Variants in TTLL9 observed in about 807,000 individuals in gnomAD.
TTLL9 encodes the protein probable tubulin polyglutamylase TTLL9.
Under a neutral mutation model 65.6 loss-of-function variants are expected in TTLL9, and 47 were observed. The ratio of observed to expected loss-of-function variants is 0.72; its 90% CI spans 0.57 to 0.91. TTLL9 has a LOEUF of 0.91. TTLL9 is among the 40% of genes least tolerant of loss of function. The pLI is 0.00. For synonymous variants in TTLL9, 179 were observed against 204.8 expected, an observed-to-expected ratio of 0.87 and a Z score of 1.07; for missense variants, 537 against 568.8, an observed-to-expected ratio of 0.94 and a Z score of 0.57.
chr20:31,899,772 T>G (rs372045270), intron 4 of TTLL9, among the ~76,000 whole-genome samples: 14 of 148,702 alleles, frequency 9.4e-5, no homozygotes, highest in East Asian at 3.9e-4. Context: ...AAAATGTTGT[T>G]TTTTTTTTTT....
intron 6 of TTLL9, 109 bp from the exon 7 acceptor site, chr20:31,919,755 G>T (rs533435352): frequency 1.2e-5 from 10 of 855,680 alleles, no homozygotes; most frequent in Non-Finnish European, 1.4e-5. Flanking sequence ...AGAGTTGGGG[G>T]TTCATAAGGA....
chr20:31,942,689 C>T (rs533698867), intron 14 of TTLL9, among the ~76,000 whole-genome samples: 2 of 152,284 alleles, frequency 1.3e-5, no homozygotes, highest in African/African-American at 2.4e-5. Context: ...TTGAGGTAAG[C>T]CCCCAGTCCT....
At chr20:31,937,072 T>G (rs143545494) in intron 12 of TTLL9, among the ~76,000 whole-genome samples, 2 of 124,042 alleles carry the variant, frequency 1.6e-5, no homozygotes, top group African/African-American at 6.5e-5. Context: ...CACTCCAGCC[T>G]GGGCGACAAG....
In TTLL9 at chr20:31,942,957, A is replaced by G. The variant is rs1268461202; in HGVS notation, c.1256A>G (p.Asp419Gly). 6.2e-7 allele frequency: 1 copy of G among 1,614,110 alleles called. No homozygotes were observed. Among genetic ancestry groups the G allele is most frequent in the Non-Finnish European group, 8.5e-7 (1 of 1,180,012 alleles). ...ACTTCCTTTCCAGGCTGCGTCAACG[A>G]TCGGAAGAAACAACTGAGGCAGCTC... is the stretch of plus-strand genomic sequence containing the variant. ...VTNTHLGCVN[D>G]RKKQLRQLFC... The change falls in exon 15 of 15, where the codon GAT becomes GGT. Residue 419 changes from aspartate (D) to glycine (G), a missense_variant. Around this residue, in one of 3 missense-constraint regions of TTLL9, gnomAD observed 205 missense variants for 225.9 expected, o/e 0.91. Coordinates refer to ENST00000535842, the MANE Select transcript of TTLL9 (RefSeq NM_001008409.5).
chr20:31,907,642 A>C (rs2063577653), intron 4 of TTLL9, among the ~76,000 whole-genome samples: 1 of 151,220 alleles, frequency 6.6e-6, no homozygotes, highest in Admixed American at 6.6e-5. Context: ...AATCGCTTGA[A>C]CCCGGGAGGA....
rs886379476 is a variant in TTLL9, at chr20:31,937,648, G to A, written c.1118+139G>A. The A allele has an allele frequency of 9.4e-6, 6 of 635,358 alleles. No individual in the cohort carries two copies. The African/African-American group carries it at 1.1e-4, about 12-fold the overall frequency. 39.4% of individuals were successfully genotyped at this position (635,358 alleles called of 1,614,324 possible). A position where few individuals can be genotyped will look rare whatever the true frequency, so the allele number is the denominator to read the frequency against. ...GGCCTGCCCCACCACTTTATAGATG[G>A]AGAAGCTGAGATGTCCACAGAGGGT... On this transcript the variant is annotated intron_variant, in intron 13 of 14. Transcript: ENST00000535842.
chr20:31,940,131 T>A (rs955534156), intron 14 of TTLL9: 2 of 152,184 alleles, frequency 1.3e-5, no homozygotes, highest in Non-Finnish European at 2.9e-5. Flanking sequence ...AGAAGCAGAA[T>A]TATTGGGCCA....
intron 6 of TTLL9, among the ~76,000 whole-genome samples, chr20:31,918,519 G>A (rs1459474266): frequency 1.3e-5 from 2 of 152,050 alleles, no homozygotes; most frequent in Non-Finnish European, 2.9e-5. Flanking sequence ...CTACAGGGGT[G>A]CACTCTCATA....
In TTLL9 at chr20:31,943,076, C is replaced by G. The variant is rs551478067; in HGVS notation, c.*55C>G. 1.6e-4 allele frequency: 242 copies of G among 1,513,410 alleles called. No individual in the cohort carries two copies. The African/African-American group carries it at 2.8e-3, about 18-fold the overall frequency. The allele number at this position is 1,513,410 out of a possible 1,614,324, so 93.7% of individuals were successfully genotyped here. A position where few individuals can be genotyped will look rare whatever the true frequency, so the allele number is the denominator to read the frequency against. ...AGCAGGTGCCACCCAGGCCTCCCCC[C>G]CACTCCCAGATCCCAGCACAGCACC... On this transcript the variant is annotated 3_prime_UTR_variant, in exon 15 of 15. Coordinates refer to ENST00000535842, the MANE Select transcript of TTLL9 (RefSeq NM_001008409.5).
chr20:31,886,121 C>A (rs1454074392), intron 2 of TTLL9, among the ~76,000 whole-genome samples: 1 of 152,258 alleles, frequency 6.6e-6, no homozygotes, highest in African/African-American at 2.4e-5. Flanking sequence ...ATCACCTTGA[C>A]TGTGGCCTTG....
intron 3 of TTLL9, among the ~76,000 whole-genome samples, chr20:31,892,120 A>T (rs1345450554): frequency 2.6e-5 from 4 of 152,032 alleles, no homozygotes; most frequent in African/African-American, 7.2e-5. Flanking sequence ...ATAAATTTTT[A>T]AAATACTTAT....
intron 14 of TTLL9, 24 bp from the exon 15 acceptor site, chr20:31,942,905 AGCATAGGTCATCCCAG>A: frequency 6.2e-7 from 1 of 1,610,482 alleles, no homozygotes; most frequent in South Asian, 1.1e-5. Context: ...ACTCCTCCCA[AGCATAGGTCATCCCAG>A]CCAACACCCC....
chr20:31,937,600 G>GAACCTTGGAGCTTAGAACC lies in TTLL9; in HGVS notation c.1118+92_1118+93insACCTTGGAGCTTAGAACCA. 4 of 1,018,390 alleles carry GAACCTTGGAGCTTAGAACC rather than the reference G, an allele frequency of 3.9e-6. No individual in the cohort carries two copies. The Admixed American group carries it at 9.5e-5, about 24-fold the overall frequency. The allele number at this position is 1,018,390 out of a possible 1,614,324, so 63.1% of individuals were successfully genotyped here. A position where few individuals can be genotyped will look rare whatever the true frequency, so the allele number is the denominator to read the frequency against. On this transcript the variant is annotated intron_variant, in intron 13 of 14. Coordinates refer to ENST00000535842, the MANE Select transcript of TTLL9 (RefSeq NM_001008409.5). ...GGGGGAGCTTAGAACCTTGGGGCCT[G>GAACCTTGGAGCTTAGAACC]AGTGGCCCTCAGCGATGGCTCTGGC... is the stretch of plus-strand genomic sequence containing the variant.
rs752189842 is a variant in TTLL9 at position 31,923,028 on chromosome 20, C to T, written c.639C>T (p.Tyr213=). The T allele has an allele frequency of 2.5e-6, 4 of 1,613,960 alleles. No individual in the cohort carries two copies. The highest frequency in any genetic ancestry group is 2.5e-6 in the Non-Finnish European group (3 of 1,179,848). ...TGGAGAACTATGTGGCTCAGCGTTA[C>T]ATTGAAAATCCTTACCTGATAGGAG... ...IPVENYVAQR[Y]IENPYLIGGR... The change falls in exon 8 of 15, where the codon TAC becomes TAT. Residue 213 remains tyrosine (Y), a synonymous_variant. Transcript: ENST00000535842.
At chr20:31,897,322 G>A (rs1477632376) in intron 3 of TTLL9, among the ~76,000 whole-genome samples, 1 of 152,148 alleles carries the variant, frequency 6.6e-6, no homozygotes, top group Non-Finnish European at 1.5e-5. Flanking sequence ...AGAGCTGTTA[G>A]TAGCATTTCC....
chr20:31,939,288 G>A (rs2064168663), intron 14 of TTLL9, 22 bp downstream of exon 14: 1 of 1,612,802 alleles, frequency 6.2e-7, no homozygotes, highest in Non-Finnish European at 8.5e-7. Context: ...CAGGTGGGGA[G>A]TGGGCACAAG....
chr20:31,897,355 G>C lies in TTLL9; in HGVS notation c.114-1118G>C, dbSNP rs2063402602. On this transcript the variant is annotated intron_variant, in intron 3 of 14. Coordinates refer to ENST00000535842, the MANE Select transcript of TTLL9 (RefSeq NM_001008409.5). ...TCCTTATTGTGGCTGTGATACCTGC[G>C]GGCTCCATAGCGGTAGCCTCTGTTT... Among the ~76,000 whole-genome samples, 2 of 152,106 alleles carry C rather than the reference G, an allele frequency of 1.3e-5. 1 individual carries two copies. Among genetic ancestry groups the C allele is most frequent in the South Asian group, 4.1e-4 (2 of 4,834 alleles).
chr20:31,907,178 T>C (rs565085123), intron 4 of TTLL9, among the ~76,000 whole-genome samples: 1 of 152,354 alleles, frequency 6.6e-6, no homozygotes, highest in South Asian at 2.1e-4. Context: ...CTCTGCCACT[T>C]ACTAACTGCA....
chr20:31,887,179 T>C lies in TTLL9; in HGVS notation c.70-17T>C, dbSNP rs116478535. ...ATATACAAAACCAGTTACATCCTTT[T>C]CCTTTCCTCATTGCAGAACCAAAAT... On this transcript the variant is annotated splice_polypyrimidine_tract_variant and intron_variant, in intron 2 of 14. Transcript: ENST00000535842. 1.1e-3 allele frequency: 1,764 copies of C among 1,614,026 alleles called. 28 individuals carry two copies. In the African/African-American group the frequency reaches 0.02, roughly 19 times the overall value.
Sources: allele counts gnomAD v4.1 joint callset (sites outside exome capture counted in the v4.1 genomes callset), GRCh38; gene constraint gnomAD v4.1.1; regional missense constraint gnomAD v4.1.1; transcripts MANE v1.5; gene names NCBI Gene and HGNC (gene_info 2026-07-23, HGNC 2026-07-21).